The following MARF1 variants were observed in gnomAD, a reference collection of about 807,000 sequenced individuals.
MARF1 encodes the protein limkain-b1.
In MARF1, 24 loss-of-function variants were observed where a neutral mutation model predicts 168.2. The observed-to-expected ratio is 0.14, with a 90% CI of 0.10 to 0.20. The LOEUF (loss-of-function observed/expected upper bound fraction) is 0.20. MARF1 is among the 10% of genes least tolerant of loss of function. MARF1 has a pLI of 1.00. For missense variants in MARF1, 1,744 were observed against 2,143.6 expected (o/e 0.81, Z 3.68); for synonymous variants, 868 against 822.4 (o/e 1.06, Z -0.95).
intron 8 of MARF1, 40 bp downstream of exon 8, chr16:15,625,332 C>G: frequency 6.4e-7 from 1 of 1,565,790 alleles, no homozygotes; most frequent in Non-Finnish European, 8.6e-7. Context: ...ACAAACCAAA[C>G]CTACCATAAA....
At position 15,617,559 on chromosome 16, in the gene MARF1, C is replaced by CT. The variant is rs145413728; in HGVS notation, c.2721-25dup. On this transcript the variant is annotated intron_variant, in intron 13 of 26. Coordinates refer to ENST00000396368, the MANE Select transcript of MARF1 (RefSeq NM_014647.4). Reference sequence around the variant, plus strand: ...ACCTAAAAGCAAGAGAAGAGAGACGCTGACTTAGAAGGTTTTTCTTTGATT... The same window carrying CT: ...ACCTAAAAGCAAGAGAAGAGAGACGCTTGACTTAGAAGGTTTTTCTTTGATT... The CT allele has an allele frequency of 1.3e-3, 1,981 of 1,524,804 alleles. 4 individuals are homozygous for CT. The highest frequency in any genetic ancestry group is 3.3e-3 in the Middle Eastern group (15 of 4,596). 94.5% of individuals were successfully genotyped at this position (1,524,804 alleles called of 1,614,324 possible).
rs1351501095 is a variant in MARF1, at chr16:15,636,272, G to A, written c.215C>T (p.Ser72Phe). Residue 72 changes from serine (S) to phenylalanine (F), a missense_variant, in exon 3 of 27, where the codon TCT becomes TTT. Around this residue, in one of 7 missense-constraint regions of MARF1, gnomAD observed 318 missense variants for 336.6 expected, o/e 0.94. Transcript: ENST00000396368. ...KDVPSPLHAG[S>F]KLFPAVPLPD... ...AAGTGGGACTGCTGGAAAAAGCTTA[G>A]AGCCAGCATGAAGGGGTGATGGTAC... 1 of 1,613,112 alleles carries A rather than the reference G, an allele frequency of 6.2e-7. No homozygotes were observed. Among genetic ancestry groups the A allele is most frequent in the East Asian group, 2.2e-5 (1 of 44,882 alleles).
At position 15,634,941 on chromosome 16, in the gene MARF1, A is replaced by AT. The variant is rs747004101; in HGVS notation, c.832-11dup. On this transcript the variant is annotated splice_polypyrimidine_tract_variant and intron_variant, in intron 3 of 26. Coordinates refer to ENST00000396368, the MANE Select transcript of MARF1 (RefSeq NM_014647.4). ...TGCTATTTCTTGCTGGCTGTTTTAA[A>AT]TTTTTTTTAAAAAGGAGGAGGTGTC... The AT allele has an allele frequency of 5.0e-6, 8 of 1,608,306 alleles. No homozygotes were observed. The highest frequency in any genetic ancestry group is 6.8e-6 in the Non-Finnish European group (8 of 1,177,188).
intron 16 of MARF1, among the ~76,000 whole-genome samples, chr16:15,613,688 T>TAAATAAATAAATAAATAA (rs1218152752): frequency 8.3e-5 from 12 of 143,940 alleles, no homozygotes; most frequent in Non-Finnish European, 4.5e-5. Context: ...AATAAATAAA[T>TAAATAAATAAATAAATAA]AAAATAAAAT....
intron 26 of MARF1, 118 bp downstream of exon 26, chr16:15,598,736 T>C: frequency 1.0e-6 from 1 of 997,518 alleles, no homozygotes; most frequent in Non-Finnish European, 1.5e-6. Flanking sequence ...CAGCACAGTG[T>C]TTTCCACCTG....
chr16:15,605,555 C>T (rs2032937739), intron 21 of MARF1, among the ~76,000 whole-genome samples: 1 of 152,126 alleles, frequency 6.6e-6, no homozygotes, highest in African/African-American at 2.4e-5. Flanking sequence ...CACCCAGACC[C>T]CCACCATCAC....
At position 15,615,936 on chromosome 16, in the gene MARF1, G is replaced by T; in HGVS notation, c.3147C>A (p.Pro1049=). 1.3e-6 allele frequency: 2 copies of T among 1,588,346 alleles called. No individual in the cohort carries two copies. The highest frequency in any genetic ancestry group is 1.7e-6 in the Non-Finnish European group (2 of 1,165,344). Reference sequence around the variant, plus strand: ...GAACACAGGTAATGAAGTGTTCTAAGGGAACACCTCCTTGGTTTTCTTGCA... The same window carrying T: ...GAACACAGGTAATGAAGTGTTCTAATGGAACACCTCCTTGGTTTTCTTGCA... The part of the protein sequence containing the change: ...EVVQENQGGV[P]LEHFITCVPG... The change falls in exon 16 of 27, where the codon CCC becomes CCA. Residue 1049 remains proline (P), a synonymous_variant. Coordinates refer to ENST00000396368, the MANE Select transcript of MARF1 (RefSeq NM_014647.4).
rs549312748 is a variant in MARF1, at chr16:15,604,156, T to C, written c.4413+12A>G. 1.9e-6 allele frequency: 3 copies of C among 1,582,756 alleles called. No individual in the cohort carries two copies. The highest frequency in any genetic ancestry group is 4.5e-5 in the East Asian group (2 of 44,700). On this transcript the variant is annotated intron_variant, in intron 22 of 26. Transcript: ENST00000396368. Reference sequence around the variant, plus strand: ...TTCAATGATAGTTCTAAAGAGCCATTAACGTGCCTACCTCAACCAAGTATG... The same window carrying C: ...TTCAATGATAGTTCTAAAGAGCCATCAACGTGCCTACCTCAACCAAGTATG...
At chr16:15,627,692 A>G (rs974381691) in intron 7 of MARF1, among the ~76,000 whole-genome samples, 16 of 152,348 alleles carry the variant, frequency 1.1e-4, no homozygotes, top group African/African-American at 3.6e-4. Context: ...AATTATATAA[A>G]GGGTTAAATC....
intron 7 of MARF1, among the ~76,000 whole-genome samples, chr16:15,626,178 G>T (rs2034830095): frequency 6.6e-6 from 1 of 152,130 alleles, no homozygotes; most frequent in South Asian, 2.1e-4. Flanking sequence ...TATACTATAT[G>T]ATTCCATTTC....
chr16:15,600,591 G>C (rs201994345), intron 24 of MARF1, 38 bp from the exon 25 acceptor site: 383 of 1,614,076 alleles, frequency 2.4e-4, no homozygotes, highest in Non-Finnish European at 3.2e-4. Context: ...AGAAATGTCA[G>C]TGAGAGAACC....
chr16:15,616,836 G>C (rs1395810322), intron 15 of MARF1: 1 of 529,576 alleles, frequency 1.9e-6, no homozygotes, highest in East Asian at 3.0e-5. Flanking sequence ...GAAAATATGT[G>C]ATTATAATCT....
Position 15,609,673 on chromosome 16 carries a change from A to T in MARF1, c.3804T>A (p.Val1268=). The T allele has an allele frequency of 1.2e-6, 2 of 1,614,196 alleles. No individual in the cohort carries two copies. The highest frequency in any genetic ancestry group is 1.7e-6 in the Non-Finnish European group (2 of 1,180,032). ...AATGGGGTTGGTGACGCAGCAAATC[A>T]ACGACATCCTTGGAGAACTGTTTTG... ...ERTKQFSKDV[V]DLLRHQPHFR... The change falls in exon 20 of 27, where the codon GTT becomes GTA. Residue 1268 remains valine, a synonymous_variant. Coordinates refer to ENST00000396368, the MANE Select transcript of MARF1 (RefSeq NM_014647.4).
At chr16:15,602,356 A>G (rs1054703636) in intron 22 of MARF1, 153 bp from the exon 23 acceptor site, 3 of 642,234 alleles carry the variant, frequency 4.7e-6, no homozygotes, top group Non-Finnish European at 8.2e-6. Flanking sequence ...GAAGATGAAG[A>G]AGGAGACAAA....
rs2031556836 is a variant in MARF1, at chr16:15,595,157, T to TA, written c.*1535dup. The TA allele has an allele frequency of 6.5e-6, 1 of 152,732 alleles. No individual in the cohort carries two copies. Among genetic ancestry groups the TA allele is most frequent in the South Asian group, 2.1e-4 (1 of 4,824 alleles). 9.5% of individuals were successfully genotyped at this position (152,732 alleles called of 1,614,324 possible). A position where few individuals can be genotyped will look rare whatever the true frequency, so the allele number is the denominator to read the frequency against. ...CTTCAGGAGGATTCGGAGAGTGCCA[T>TA]AATACTTACAGGGTTTTTTCCATGG... On this transcript the variant is annotated 3_prime_UTR_variant, in exon 27 of 27. Transcript: ENST00000396368.
chr16:15,636,415 C>T (rs2035603813), intron 2 of MARF1, 73 bp from the exon 3 acceptor site: 1 of 1,032,352 alleles, frequency 9.7e-7, no homozygotes. Context: ...TATCTTACTG[C>T]ATGCACAAAC....
Position 15,630,425 on chromosome 16 carries a change from C to T in MARF1, c.1431G>A (p.Gln477=). 1 of 1,614,050 alleles carries T rather than the reference C, an allele frequency of 6.2e-7. No individual in the cohort carries two copies. The highest frequency in any genetic ancestry group is 8.5e-7 in the Non-Finnish European group (1 of 1,179,974). The part of the protein sequence containing the change: ...GFHIILVHKN[Q]ASEALLHHAN... ...CATGATGCAGCAGTGCTTCTGAGGCCTGGTTTTTATGGACCAAAATAATGT... is the reference window on the plus strand; with the variant it reads ...CATGATGCAGCAGTGCTTCTGAGGCTTGGTTTTTATGGACCAAAATAATGT... Residue 477 remains glutamine, a synonymous_variant, in exon 7 of 27, where the codon CAG becomes CAA. Coordinates refer to ENST00000396368, the MANE Select transcript of MARF1 (RefSeq NM_014647.4).
intron 15 of MARF1, 88 bp downstream of exon 15, chr16:15,616,964 T>C: frequency 6.8e-7 from 1 of 1,477,392 alleles, no homozygotes; most frequent in South Asian, 1.3e-5. Flanking sequence ...GAGTACTTAT[T>C]TGTAAAGAGA....
chr16:15,633,450 G>A (rs578120816), intron 5 of MARF1, among the ~76,000 whole-genome samples, 167 bp downstream of exon 5: 17 of 152,286 alleles, frequency 1.1e-4, no homozygotes, highest in Non-Finnish European at 2.1e-4. Context: ...GGAGGCTGAG[G>A]TGGGAGGATC....
Sources: allele counts gnomAD v4.1 joint callset (sites outside exome capture counted in the v4.1 genomes callset), GRCh38; gene constraint gnomAD v4.1.1; regional missense constraint gnomAD v4.1.1; transcripts MANE v1.5; gene names NCBI Gene and HGNC (gene_info 2026-07-23, HGNC 2026-07-21).